Variants in EFCAB14 observed in about 807,000 individuals in gnomAD.
EFCAB14 encodes the protein EF-hand calcium binding domain 14.
EFCAB14 carries 43 observed loss-of-function variants against 56.5 expected under a neutral mutation model. That is an observed-to-expected ratio of 0.76 (90% confidence interval 0.60 to 0.98). EFCAB14 has a LOEUF of 0.98. Among genes scored for constraint, EFCAB14 ranks in the 50% least tolerant of loss-of-function variants. The pLI is 0.00. For synonymous variants in EFCAB14, 235 were observed against 212.9 expected, an observed-to-expected ratio of 1.10 and a Z score of -0.90; for missense variants, 538 against 580.3, an observed-to-expected ratio of 0.93 and a Z score of 0.75.
At chr1:46,698,191 G>C (rs911001387) in intron 3 of EFCAB14, among the ~76,000 whole-genome samples, 3 of 152,162 alleles carry the variant, frequency 2.0e-5, no homozygotes, top group African/African-American at 7.2e-5. Flanking sequence ...CCCTGAGTAA[G>C]TAGTAGTAGC....
At position 46,716,299 on chromosome 1, in the gene EFCAB14, T is replaced by G; in HGVS notation, c.330A>C (p.Arg110=). Residue 110 remains arginine (R), a synonymous_variant, in exon 2 of 11, where the codon CGA becomes CGC. Coordinates refer to ENST00000371933, the MANE Select transcript of EFCAB14 (RefSeq NM_014774.3). ...AGAGAGTAACCACTTACTTACTTGT[T>G]CGAAATTTTTCCTTGAGGGCATCCA... ...EDLDALKEKF[R]TMESNQKSSF... is the part of the protein sequence containing the mutation. 6.2e-7 allele frequency: 1 copy of G among 1,600,178 alleles called. No homozygotes were observed. The highest frequency in any genetic ancestry group is 8.5e-7 in the Non-Finnish European group (1 of 1,175,146).
At chr1:46,692,795 A>C (rs937070056) in intron 4 of EFCAB14, among the ~76,000 whole-genome samples, 1 of 152,264 alleles carries the variant, frequency 6.6e-6, no homozygotes, top group Non-Finnish European at 1.5e-5. Context: ...GTATACTGAG[A>C]TAATTAACAG....
intron 10 of EFCAB14, 41 bp from the exon 11 acceptor site, chr1:46,678,677 T>C: frequency 1.3e-6 from 2 of 1,550,850 alleles, no homozygotes; most frequent in African/African-American, 2.8e-5. Flanking sequence ...CGTCTAAACA[T>C]ACAGCTAAAT....
intron 2 of EFCAB14, among the ~76,000 whole-genome samples, chr1:46,716,054 C>G (rs915235496): frequency 3.3e-5 from 5 of 151,734 alleles, no homozygotes; most frequent in African/African-American, 1.2e-4. Context: ...TTGAGACCAG[C>G]CTGGCCAACA....
chr1:46,678,732 A>C (rs1676737439), intron 10 of EFCAB14, 96 bp from the exon 11 acceptor site: 7 of 1,196,138 alleles, frequency 5.9e-6, no homozygotes, highest in Non-Finnish European at 1.1e-6. Context: ...CTAAAAGAAA[A>C]GCTACTCCGC....
intron 7 of EFCAB14, among the ~76,000 whole-genome samples, chr1:46,687,102 A>T (rs539281268): frequency 1.3e-5 from 2 of 152,336 alleles, no homozygotes; most frequent in African/African-American, 4.8e-5. Flanking sequence ...AAGGCTTTGA[A>T]GGATAAAAGG....
chr1:46,701,190 C>T (rs1677150788), intron 3 of EFCAB14, among the ~76,000 whole-genome samples: 2 of 152,188 alleles, frequency 1.3e-5, no homozygotes, highest in Admixed American at 6.5e-5. Context: ...CATAACTTTG[C>T]AAAGGGTTTG....
chr1:46,716,200 G>C, intron 2 of EFCAB14, 95 bp downstream of exon 2: 1 of 1,351,100 alleles, frequency 7.4e-7, no homozygotes. Context: ...AGTGAGCCGA[G>C]ATTGCGCCAC....
chr1:46,716,389 G>A lies in EFCAB14; in HGVS notation c.240C>T (p.Ile80=). 3.7e-6 allele frequency: 6 copies of A among 1,613,960 alleles called. No individual in the cohort carries two copies. The highest frequency in any genetic ancestry group is 4.2e-6 in the Non-Finnish European group (5 of 1,179,996). The change falls in exon 2 of 11, where the codon ATC becomes ATT. Residue 80 remains isoleucine, a synonymous_variant. Transcript: ENST00000371933. The part of the protein sequence containing the change: ...KICYPLCGFV[I]LAACVVACVG... ...CACAGGCCACAACACAGGCAGCAAG[G>A]ATGACAAAACCACAGAGCGGATAAC... is the stretch of plus-strand genomic sequence containing the variant.
chr1:46,698,988 G>C (rs2148846320), intron 3 of EFCAB14, among the ~76,000 whole-genome samples: 1 of 152,244 alleles, frequency 6.6e-6, no homozygotes, highest in Non-Finnish European at 1.5e-5. Flanking sequence ...AGTGGTAGTA[G>C]AGGTAGTAGC....
intron 3 of EFCAB14, among the ~76,000 whole-genome samples, chr1:46,699,016 G>C (rs998740695): frequency 2.0e-5 from 3 of 152,084 alleles, no homozygotes; most frequent in East Asian, 3.9e-4. Context: ...GAGATGATAC[G>C]ATTTGCTGGG....
intron 8 of EFCAB14, among the ~76,000 whole-genome samples, chr1:46,685,568 GA>G (rs990197581): frequency 3.9e-5 from 6 of 152,186 alleles, no homozygotes; most frequent in African/African-American, 1.4e-4. Flanking sequence ...ATGGTAAGGA[GA>G]AATTGTATCT....
At chr1:46,694,371 C>T (rs969348293) in intron 4 of EFCAB14, among the ~76,000 whole-genome samples, 2 of 152,156 alleles carry the variant, frequency 1.3e-5, no homozygotes, top group Non-Finnish European at 2.9e-5. Flanking sequence ...AGAACTTAAA[C>T]AAATTTACAA....
chr1:46,691,834 C>T lies in EFCAB14; in HGVS notation c.683G>A (p.Ser228Asn), dbSNP rs1259168002. The change falls in exon 5 of 11, where the codon AGT becomes AAT. Residue 228 changes from serine (S) to asparagine (N), a missense_variant. Ser to Asn is a conservative substitution (Grantham distance 46). Coordinates refer to ENST00000371933, the MANE Select transcript of EFCAB14 (RefSeq NM_014774.3). ...CTTGCTGGGTCTCCTTACCATATCA[C>T]TCTGCAGTAATTCCATCGTTTTCTT... The part of the protein sequence containing the change: ...EHKKTMELLQ[S>N]DMNQHFLKET... 1.2e-6 allele frequency: 2 copies of T among 1,612,794 alleles called. No homozygotes were observed. Among genetic ancestry groups the T allele is most frequent in the Non-Finnish European group, 1.7e-6 (2 of 1,179,242 alleles).
chr1:46,716,250 A>G, intron 2 of EFCAB14, 45 bp downstream of exon 2: 1 of 52,852 alleles, frequency 1.9e-5, no homozygotes, highest in Non-Finnish European at 2.4e-5. Flanking sequence ...CCCTGTCTCA[A>G]AAAAAAAAAA....
At chr1:46,708,651 C>T (rs574868739) in intron 2 of EFCAB14, among the ~76,000 whole-genome samples, 49 of 152,130 alleles carry the variant, frequency 3.2e-4, no homozygotes, top group Non-Finnish European at 5.7e-4. Flanking sequence ...AATGCTGTTA[C>T]GAGGGCTAAG....
chr1:46,690,787 C>G (rs138308431), intron 5 of EFCAB14, among the ~76,000 whole-genome samples: 2 of 151,896 alleles, frequency 1.3e-5, no homozygotes, highest in East Asian at 3.9e-4. Flanking sequence ...TGAGGTGTGC[C>G]AGTCCTGAAG....
chr1:46,710,355 C>CGTGTG, intron 2 of EFCAB14, among the ~76,000 whole-genome samples: 1 of 152,078 alleles, frequency 6.6e-6, no homozygotes, highest in Non-Finnish European at 1.5e-5. Context: ...ATTTGATATC[C>CGTGTG]TCCTTATAGC....
intron 3 of EFCAB14, among the ~76,000 whole-genome samples, chr1:46,700,988 T>TGAGTGA (rs369663675): frequency 1.0e-4 from 15 of 149,086 alleles, no homozygotes; most frequent in African/African-American, 3.8e-4. Context: ...AGTGAGTGAG[T>TGAGTGA]GTGTGTGTGT....
Sources: gnomAD v4.1 joint callset for allele counts (sites outside exome capture counted in the v4.1 genomes callset) on GRCh38, gnomAD v4.1.1 for gene constraint, MANE v1.5 for transcripts, NCBI Gene and HGNC (gene_info 2026-07-23, HGNC 2026-07-21) for gene names.